The following LRRC4C variants were observed in gnomAD, a reference collection of about 807,000 sequenced individuals.
The protein encoded by LRRC4C is leucine-rich repeat-containing protein 4C.
Under a neutral mutation model 33.6 loss-of-function variants are expected in LRRC4C, and 5 were observed. The observed-to-expected ratio is 0.15, with a 90% CI of 0.08 to 0.31. The LOEUF (loss-of-function observed/expected upper bound fraction) is 0.31. Ranked by LOEUF, LRRC4C falls within the 10% of genes least tolerant of loss-of-function variation. LRRC4C has a pLI of 1.00. For synonymous variants in LRRC4C, 329 were observed against 302.0 expected (o/e 1.09, Z -0.93); for missense variants, 560 against 796.7 (o/e 0.70, Z 3.58).
chr11:41,352,960 G>GTT (rs1952033065), intron 1 of LRRC4C, among the ~76,000 whole-genome samples: 1 of 151,934 alleles, frequency 6.6e-6, no homozygotes, highest in Non-Finnish European at 1.5e-5. Context: ...ACACCTCAAA[G>GTT]AACGAGAAAA....
chr11:40,611,431 GA>G (rs956897427), intron 3 of LRRC4C, among the ~76,000 whole-genome samples: 3 of 151,810 alleles, frequency 2.0e-5, no homozygotes, highest in Non-Finnish European at 4.4e-5. Flanking sequence ...AAATGTAGGG[GA>G]AAAGCTTCTT....
intron 1 of LRRC4C, among the ~76,000 whole-genome samples, chr11:41,258,812 T>C (rs1948884496): frequency 6.6e-6 from 1 of 152,004 alleles, no homozygotes; most frequent in Non-Finnish European, 1.5e-5. Flanking sequence ...AACTTGAAAT[T>C]AGGATGCCCT....
At chr11:41,293,199 G>A (rs1565554520) in intron 1 of LRRC4C, among the ~76,000 whole-genome samples, 1 of 151,936 alleles carries the variant, frequency 6.6e-6, no homozygotes, top group Admixed American at 6.6e-5. Context: ...GTATATAAAG[G>A]TCTATAAATG....
chr11:40,314,367 G>A (rs1220622296), intron 4 of LRRC4C, among the ~76,000 whole-genome samples: 1 of 151,988 alleles, frequency 6.6e-6, no homozygotes, highest in Non-Finnish European at 1.5e-5. Context: ...ACCCCAGTTA[G>A]GATGGCTATT....
chr11:40,854,422 A>G (rs1025545046), intron 2 of LRRC4C, among the ~76,000 whole-genome samples: 2 of 152,158 alleles, frequency 1.3e-5, no homozygotes, highest in East Asian at 1.9e-4. Context: ...AATCTGTCCA[A>G]TTGCTAATCT....
chr11:41,004,493 G>T (rs1235697961), intron 1 of LRRC4C, among the ~76,000 whole-genome samples: 1 of 152,118 alleles, frequency 6.6e-6, no homozygotes, highest in Non-Finnish European at 1.5e-5. Flanking sequence ...TAGGCTAAAA[G>T]AATAAAAATG....
At chr11:41,193,137 A>G (rs1347521852) in intron 1 of LRRC4C, among the ~76,000 whole-genome samples, 2 of 152,068 alleles carry the variant, frequency 1.3e-5, no homozygotes, top group African/African-American at 2.4e-5. Context: ...CTAGCTACCA[A>G]TCTTTGGGTT....
At chr11:40,419,715 G>A (rs1021023228) in intron 3 of LRRC4C, among the ~76,000 whole-genome samples, 7 of 152,144 alleles carry the variant, frequency 4.6e-5, no homozygotes, top group South Asian at 2.1e-4. Context: ...ACCAATAGAG[G>A]GGAATAAATG....
In LRRC4C at chr11:41,191,675, C is replaced by T. The variant is rs146229828; in HGVS notation, c.-495-257952G>A. ...TTTAAAGGGCTATTGCATTACAACT[C>T]GGGTGCTTTAGAATGGGTAGTAGAT... On this transcript the variant is annotated intron_variant, in intron 1 of 6. Transcript: ENST00000528697. Among the ~76,000 whole-genome samples, 94 of 152,244 alleles carry T rather than the reference C, an allele frequency of 6.2e-4. 1 individual carries two copies. The East Asian group carries it at 0.017, about 28-fold the overall frequency.
intron 6 of LRRC4C, among the ~76,000 whole-genome samples, chr11:40,120,927 C>T (rs543604672): frequency 6.6e-6 from 1 of 152,160 alleles, no homozygotes; most frequent in Non-Finnish European, 1.5e-5. Flanking sequence ...CTTTCCCCAT[C>T]TGTGAAAGAA....
chr11:40,539,970 AT>A (rs999989572), intron 3 of LRRC4C, among the ~76,000 whole-genome samples: 37 of 152,090 alleles, frequency 2.4e-4, no homozygotes, highest in African/African-American at 7.9e-4. Context: ...TAAAATTGTA[AT>A]TTTTTTTGTC....
chr11:41,270,104 A>C (rs1949274535), intron 1 of LRRC4C, among the ~76,000 whole-genome samples: 1 of 152,152 alleles, frequency 6.6e-6, no homozygotes, highest in Non-Finnish European at 1.5e-5. Flanking sequence ...ATTAGACTTC[A>C]GATATACAAG....
At chr11:40,249,930 T>A (rs907151165) in intron 4 of LRRC4C, among the ~76,000 whole-genome samples, 2 of 152,044 alleles carry the variant, frequency 1.3e-5, no homozygotes, top group East Asian at 1.9e-4. Flanking sequence ...TAAAAGACAA[T>A]AAAATTTCAG....
intron 3 of LRRC4C, among the ~76,000 whole-genome samples, chr11:40,420,936 A>G (rs1270234927): frequency 6.6e-6 from 1 of 152,234 alleles, no homozygotes; most frequent in African/African-American, 2.4e-5. Context: ...TACCATGGCT[A>G]TCATCATTGT....
At chr11:40,446,550 G>A (rs1196143267) in intron 3 of LRRC4C, 1 of 152,150 alleles carries the variant, frequency 6.6e-6, no homozygotes. Context: ...CATCAACTGG[G>A]TGGATACCTG....
intron 2 of LRRC4C, among the ~76,000 whole-genome samples, chr11:40,817,965 A>C (rs1435794082): frequency 6.6e-6 from 1 of 152,080 alleles, no homozygotes; most frequent in Non-Finnish European, 1.5e-5. Flanking sequence ...AATTATGCCT[A>C]ATGGGCTTCA....
At chr11:40,218,642 T>TATCTATC (rs60174276) in intron 5 of LRRC4C, among the ~76,000 whole-genome samples, 17,202 of 111,680 alleles carry the variant, frequency 0.15, 1,796 homozygotes, top group Non-Finnish European at 0.18. Flanking sequence ...ATGTATCTAT[T>TATCTATC]TATCTATCTA....
chr11:40,938,332 GTGAGGAAAGCCTA>G (rs141419817), intron 1 of LRRC4C, among the ~76,000 whole-genome samples: 2,620 of 152,198 alleles, frequency 0.017, 88 homozygotes, highest in African/African-American at 0.06. Flanking sequence ...CAAGCGAAGG[GTGAGGAAAGCCTA>G]TGGATAATTC....
intron 2 of LRRC4C, among the ~76,000 whole-genome samples, chr11:40,717,622 G>T (rs994102823): frequency 6.6e-6 from 1 of 152,048 alleles, no homozygotes; most frequent in Non-Finnish European, 1.5e-5. Context: ...TGTAGTGCCT[G>T]TAGGTACCAG....
Sources: gnomAD v4.1 joint callset for allele counts (sites outside exome capture counted in the v4.1 genomes callset) on GRCh38, gnomAD v4.1.1 for gene constraint, MANE v1.5 for transcripts, NCBI Gene and HGNC (gene_info 2026-07-23, HGNC 2026-07-21) for gene names.